The following HECW1 variants were observed in gnomAD, a reference collection of about 807,000 sequenced individuals.
HECW1 encodes E3 ubiquitin-protein ligase HECW1.
A neutral mutation model predicts 182.3 loss-of-function variants in HECW1; 61 were observed. That is an observed-to-expected ratio of 0.33 (90% CI 0.27 to 0.41). The LOEUF is 0.41. Ranked by LOEUF, HECW1 falls within the 10% of genes least tolerant of loss-of-function variation. The pLI is 1.00. For missense variants in HECW1, 1,739 were observed against 2,108.9 expected, an observed-to-expected ratio of 0.82 and a Z score of 3.44; for synonymous variants, 859 against 832.6, an observed-to-expected ratio of 1.03 and a Z score of -0.55.
intron 2 of HECW1, among the ~76,000 whole-genome samples, chr7:43,186,539 G>A (rs2152680272): frequency 6.6e-6 from 1 of 152,092 alleles, no homozygotes; most frequent in East Asian, 1.9e-4. Context: ...CTTGGTGGAG[G>A]GCGCCTGTAG....
chr7:43,235,911 G>A (rs976381068), intron 2 of HECW1, among the ~76,000 whole-genome samples: 2 of 152,182 alleles, frequency 1.3e-5, no homozygotes, highest in East Asian at 1.9e-4. Flanking sequence ...ATGAAGTGCC[G>A]GGCACGGTGG....
intron 14 of HECW1, among the ~76,000 whole-genome samples, chr7:43,465,562 CT>C (rs2152896146): frequency 6.6e-6 from 1 of 152,340 alleles, no homozygotes; most frequent in South Asian, 2.1e-4. Context: ...CCCGTTGTCA[CT>C]TCTGACATGT....
chr7:43,540,090 C>A (rs2081310914), intron 24 of HECW1, among the ~76,000 whole-genome samples: 1 of 152,116 alleles, frequency 6.6e-6, no homozygotes, highest in African/African-American at 2.4e-5. Context: ...TTCAAACATA[C>A]CAATTTGAAG....
chr7:43,194,704 T>TG (rs1354262509), intron 2 of HECW1, among the ~76,000 whole-genome samples: 2 of 151,860 alleles, frequency 1.3e-5, no homozygotes, highest in Non-Finnish European at 2.9e-5. Context: ...ACCCTTTTTT[T>TG]TTTTTTTGAG....
chr7:43,429,289 CATATATATATATATATATATATATAT>C lies in HECW1; in HGVS notation c.802-8692_802-8667del, dbSNP rs57627873. ...ATATAAACTTTCCATATATTATATGCATATATATATATATATATATATATATATATATATATATATATATATACATA... is the reference window on the plus strand; with the variant it reads ...ATATAAACTTTCCATATATTATATGCATATATATATATATATATATACATA... On this transcript the variant is annotated intron_variant, in intron 8 of 29. Coordinates refer to ENST00000395891, the MANE Select transcript of HECW1 (RefSeq NM_015052.5). Among the ~76,000 whole-genome samples the C allele has an allele frequency of 4.8e-4, 51 of 106,694 alleles. 2 individuals are homozygous for C. The highest frequency in any genetic ancestry group is 4.9e-3 in the Middle Eastern group (1 of 204). 70.0% of individuals were successfully genotyped at this position (106,694 alleles called of 152,430 possible). A position where few individuals can be genotyped will look rare whatever the true frequency, so the allele number is the denominator to read the frequency against.
chr7:43,398,457 A>T (rs1489978482), intron 7 of HECW1, among the ~76,000 whole-genome samples: 2 of 152,098 alleles, frequency 1.3e-5, no homozygotes, highest in Admixed American at 1.3e-4. Flanking sequence ...AAATCAACAG[A>T]TGTTGCAGGC....
At chr7:43,276,306 G>T (rs1485824796) in intron 3 of HECW1, among the ~76,000 whole-genome samples, 1 of 152,178 alleles carries the variant, frequency 6.6e-6, no homozygotes, top group Non-Finnish European at 1.5e-5. Context: ...CTCTTTGTGT[G>T]TGGGGGTCCC....
intron 3 of HECW1, among the ~76,000 whole-genome samples, chr7:43,289,200 T>C (rs1805064921): frequency 2.0e-5 from 3 of 151,554 alleles, no homozygotes; most frequent in African/African-American, 7.3e-5. Flanking sequence ...TCCGACTCCC[T>C]GGTTCAAGTG....
At chr7:43,154,968 A>G (rs1306875068) in intron 2 of HECW1, among the ~76,000 whole-genome samples, 2 of 152,180 alleles carry the variant, frequency 1.3e-5, no homozygotes, top group Non-Finnish European at 2.9e-5. Flanking sequence ...CTCCTCCCCA[A>G]TCTTGAACTT....
intron 24 of HECW1, among the ~76,000 whole-genome samples, chr7:43,534,754 G>A (rs1399494486): frequency 6.6e-6 from 1 of 152,204 alleles, no homozygotes; most frequent in Non-Finnish European, 1.5e-5. Flanking sequence ...CAGGTACCAT[G>A]ATACATAAAT....
At chr7:43,354,354 G>A (rs991229164) in intron 5 of HECW1, among the ~76,000 whole-genome samples, 1 of 152,104 alleles carries the variant, frequency 6.6e-6, no homozygotes, top group African/African-American at 2.4e-5. Flanking sequence ...AGCAATACGT[G>A]TACTCTCTAA....
Position 43,114,337 on chromosome 7 carries a change from G to T in HECW1, c.-86G>T, listed in dbSNP as rs1784874274. On this transcript the variant is annotated 5_prime_UTR_variant, in exon 2 of 30. It adds an upstream start codon to the 5' untranslated region. Transcript: ENST00000395891. ...TTGTGGTCCAAGGCGTCTCAAAGCA[G>T]GTGGCCAGATCTGCGTTTCTCATCA... 7.4e-7 allele frequency: 1 copy of T among 1,360,020 alleles called. No homozygotes were observed. 84.2% of individuals were successfully genotyped at this position (1,360,020 alleles called of 1,614,324 possible). A position where few individuals can be genotyped will look rare whatever the true frequency, so the allele number is the denominator to read the frequency against.
At chr7:43,394,402 C>G (rs868188758) in intron 6 of HECW1, among the ~76,000 whole-genome samples, 1 of 152,074 alleles carries the variant, frequency 6.6e-6, no homozygotes. Flanking sequence ...TATTCTAGGT[C>G]CCATTGCTCC....
At chr7:43,379,886 G>A (rs1156646356) in intron 6 of HECW1, among the ~76,000 whole-genome samples, 3 of 152,140 alleles carry the variant, frequency 2.0e-5, no homozygotes, top group Non-Finnish European at 4.4e-5. Flanking sequence ...CCCTCCTAAA[G>A]GGCAGCCTCC....
chr7:43,527,964 G>A (rs1255207969), intron 24 of HECW1, among the ~76,000 whole-genome samples: 2 of 152,122 alleles, frequency 1.3e-5, no homozygotes, highest in African/African-American at 4.8e-5. Flanking sequence ...CTCAGACAAC[G>A]GTAAAATAGC....
At position 43,466,568 on chromosome 7, in the gene HECW1, T is replaced by C. The variant is rs115118985; in HGVS notation, c.2913T>C (p.Tyr971=). The change falls in exon 15 of 30, where the codon TAT becomes TAC. Residue 971 remains tyrosine (Y), a splice_region_variant and synonymous_variant. Transcript: ENST00000395891. ...TCTTCACTGTGCTACATGCCAATTA[T>C]GTGAGTGCCCTAAAATGCAGAGGGG... ...PEFFTVLHAN[Y]SAYRVFTSST... 1.9e-3 allele frequency: 3,082 copies of C among 1,612,732 alleles called. 52 individuals carry two copies. In the African/African-American group the frequency reaches 0.031, roughly 16 times the overall value.
At chr7:43,266,148 G>A (rs1429054657) in intron 3 of HECW1, among the ~76,000 whole-genome samples, 1 of 152,114 alleles carries the variant, frequency 6.6e-6, no homozygotes, top group Non-Finnish European at 1.5e-5. Flanking sequence ...AAGGTCAAGG[G>A]GCGGGCTAAA....
At chr7:43,453,642 TAAC>T (rs763391827) in intron 12 of HECW1, among the ~76,000 whole-genome samples, 1 of 152,358 alleles carries the variant, frequency 6.6e-6, no homozygotes, top group Non-Finnish European at 1.5e-5. Context: ...GTTAATATAA[TAAC>T]TAAATATGAT....
chr7:43,171,647 C>A (rs1006900555), intron 2 of HECW1, among the ~76,000 whole-genome samples: 1 of 152,146 alleles, frequency 6.6e-6, no homozygotes, highest in African/African-American at 2.4e-5. Context: ...TAGCTCATAT[C>A]CTAGAAAAAT....
Sources: gnomAD v4.1 joint callset for allele counts (sites outside exome capture counted in the v4.1 genomes callset) on GRCh38, gnomAD v4.1.1 for gene constraint, MANE v1.5 for transcripts, NCBI Gene and HGNC (gene_info 2026-07-23, HGNC 2026-07-21) for gene names.